Variants in SCARF2 observed in about 807,000 individuals in gnomAD.
The protein encoded by SCARF2 is scavenger receptor expressed by endothelial cells 2 protein.
SCARF2 carries 39 observed loss-of-function variants against 73.4 expected under a neutral mutation model. That is an observed-to-expected ratio of 0.53 (90% CI 0.41 to 0.69). The LOEUF (loss-of-function observed/expected upper bound fraction) is 0.69, where lower values mean the gene tolerates loss of function less well. SCARF2 is among the 30% of genes least tolerant of loss of function. The probability of loss-of-function intolerance (pLI) is 0.00; values close to 1 mark genes in which losing one functional copy is unlikely to be tolerated. For missense variants in SCARF2, 1,148 were observed against 1,303.5 expected (o/e 0.88, Z 1.84); for synonymous variants, 605 against 590.0 (o/e 1.03, Z -0.37).
rs139553970 is a variant in SCARF2, at chr22:20,427,657, A to G, written c.1541-107T>C. 8.5e-5 allele frequency: 113 copies of G among 1,330,166 alleles called. 1 individual carries two copies. In the East Asian group the frequency reaches 2.2e-3, roughly 26 times the overall value. The allele number at this position is 1,330,166 out of a possible 1,614,324, so 82.4% of individuals were successfully genotyped here. A position where few individuals can be genotyped will look rare whatever the true frequency, so the allele number is the denominator to read the frequency against. On this transcript the variant is annotated intron_variant, in intron 9 of 10. Coordinates refer to ENST00000622235, the MANE Select transcript of SCARF2 (RefSeq NM_182895.5). ...TGATGGGGTGACCAAGACCAGCCCT[A>G]TTCTTGGACTGCAGGGGGCACAGGC... is the stretch of plus-strand genomic sequence containing the variant.
At chr22:20,436,135 C>A (rs1415393135) in intron 1 of SCARF2, among the ~76,000 whole-genome samples, 1 of 152,230 alleles carries the variant, frequency 6.6e-6, no homozygotes, top group Non-Finnish European at 1.5e-5. Flanking sequence ...GGTCAAATGA[C>A]TTGCCCAGGT....
In SCARF2 at chr22:20,424,631, G is replaced by A. The variant is rs2052551075; in HGVS notation, c.*744C>T. Reference sequence around the variant, plus strand: ...AGAAAGCTTTGGCCAAGCCCCCGCCGGGAGGAGCCCATCCTGGGGCACCGG... The same window carrying A: ...AGAAAGCTTTGGCCAAGCCCCCGCCAGGAGGAGCCCATCCTGGGGCACCGG... On this transcript the variant is annotated 3_prime_UTR_variant, in exon 11 of 11. Transcript: ENST00000622235. Among the ~76,000 whole-genome samples the A allele has an allele frequency of 6.6e-6, 1 of 152,246 alleles. No individual in the cohort carries two copies. Among genetic ancestry groups the A allele is most frequent in the Admixed American group, 6.5e-5 (1 of 15,284 alleles).
intron 10 of SCARF2, 23 bp downstream of exon 10, chr22:20,427,375 T>C: frequency 6.2e-7 from 1 of 1,613,614 alleles, no homozygotes. Context: ...GCTGGAGTGA[T>C]GCCCAGGTAG....
intron 10 of SCARF2, among the ~76,000 whole-genome samples, chr22:20,426,486 CT>C (rs1184659378): frequency 6.6e-6 from 1 of 152,242 alleles, no homozygotes; most frequent in Non-Finnish European, 1.5e-5. Flanking sequence ...TGAACTCAGG[CT>C]GTGCAAGGAG....
chr22:20,426,712 A>C (rs375548431), intron 10 of SCARF2, among the ~76,000 whole-genome samples: 2 of 152,174 alleles, frequency 1.3e-5, no homozygotes, highest in African/African-American at 4.8e-5. Flanking sequence ...CGGTCACCTG[A>C]GGTCAGGAGT....
intron 6 of SCARF2, among the ~76,000 whole-genome samples, chr22:20,430,195 T>A (rs1303131675): frequency 6.6e-6 from 1 of 152,124 alleles, no homozygotes; most frequent in African/African-American, 2.4e-5. Context: ...GGGGTCACCT[T>A]AAGAGCCCAC....
At chr22:20,427,289 C>T (rs908499237) in intron 10 of SCARF2, 109 bp downstream of exon 10, 31 of 1,364,004 alleles carry the variant, frequency 2.3e-5, no homozygotes, top group Non-Finnish European at 3.0e-5. Context: ...ATGGCCAAGG[C>T]CTTCCTCTCC....
In SCARF2 at chr22:20,431,756, T is replaced by A; in HGVS notation, c.323A>T (p.Asn108Ile). The change falls in exon 3 of 11, where the codon AAC (asparagine) becomes ATC (isoleucine). Residue 108 changes from asparagine to isoleucine, a missense_variant. Physicochemically the swap from Asn to Ile is moderately radical, Grantham distance 149. Around this residue, in one of 5 missense-constraint regions of SCARF2, gnomAD observed 372 missense variants for 532.0 expected, o/e 0.70. Coordinates refer to ENST00000622235, the MANE Select transcript of SCARF2 (RefSeq NM_182895.5). ...GACCCCACGCTCACTGGTGTCGCAG[T>A]TGGCACCGAAGTAGCCGTGGCGGCA... is the stretch of plus-strand genomic sequence containing the variant. ...CRCRHGYFGA[N>I]CDTKCPRQFW... 2 of 1,578,250 alleles carry A rather than the reference T, an allele frequency of 1.3e-6. No homozygotes were observed. Among genetic ancestry groups the A allele is most frequent in the Middle Eastern group, 1.7e-4 (1 of 5,944 alleles).
At position 20,429,467 on chromosome 22, in the gene SCARF2, T is replaced by G; in HGVS notation, c.1424+69A>C. On this transcript the variant is annotated intron_variant, in intron 8 of 10. Transcript: ENST00000622235. This position sits in a 1 kb window ranked among gnomAD's most constrained non-coding sequence, Gnocchi z 5.2. Reference sequence around the variant, plus strand: ...GGGGCAGGGGCGCGGAAGGGTTGGATCTGGGTCCGGTGGCACCCAGAGGGT... The same window carrying G: ...GGGGCAGGGGCGCGGAAGGGTTGGAGCTGGGTCCGGTGGCACCCAGAGGGT... 1.3e-6 allele frequency: 2 copies of G among 1,592,382 alleles called. No homozygotes were observed. Among genetic ancestry groups the G allele is most frequent in the Non-Finnish European group, 1.7e-6 (2 of 1,171,604 alleles).
Position 20,431,021 on chromosome 22 carries a change from C to A in SCARF2, c.851G>T (p.Arg284Leu). Residue 284 changes from arginine to leucine, a missense_variant, in exon 4 of 11, where the codon CGC becomes CTC. Around this residue, in one of 5 missense-constraint regions of SCARF2, gnomAD observed 372 missense variants for 532.0 expected, o/e 0.70. Coordinates refer to ENST00000622235, the MANE Select transcript of SCARF2 (RefSeq NM_182895.5). ...CTGGCCGAGAGACCGCGCTTACCGG[C>A]GGCGACAGCCCAAGCCGTAGAAGCC... ...PAGFYGLGCR[R>L]RCGQCKGQQP... 6.4e-7 allele frequency: 1 copy of A among 1,558,366 alleles called. No individual in the cohort carries two copies. The highest frequency in any genetic ancestry group is 2.4e-5 in the East Asian group (1 of 41,932).
intron 1 of SCARF2, among the ~76,000 whole-genome samples, chr22:20,436,236 G>T (rs1020390623): frequency 1.3e-5 from 2 of 152,236 alleles, no homozygotes; most frequent in Admixed American, 1.3e-4. Flanking sequence ...CTGCAGACCA[G>T]GGGAGCGGGA....
At chr22:20,431,883 A>AGG in intron 2 of SCARF2, 37 bp from the exon 3 acceptor site, 1 of 1,530,526 alleles carries the variant, frequency 6.5e-7, no homozygotes, top group Non-Finnish European at 9.0e-7. Flanking sequence ...TGCGCGTCCT[A>AGG]GCCCCGCCCC....
intron 10 of SCARF2, among the ~76,000 whole-genome samples, chr22:20,426,955 T>C (rs962255417): frequency 6.6e-6 from 1 of 150,568 alleles, no homozygotes; most frequent in Non-Finnish European, 1.5e-5. Flanking sequence ...ATAAGGCTTC[T>C]GAGGCTCTGA....
In SCARF2 at chr22:20,437,534, G is replaced by A. The variant is rs9619753; in HGVS notation, c.173+48C>T. Reference sequence around the variant, plus strand: ...CAATGCCCGGCGCCGCCACACCACTGCCCAGAGCGTCCCTCTCGCCCCCTC... The same window carrying A: ...CAATGCCCGGCGCCGCCACACCACTACCCAGAGCGTCCCTCTCGCCCCCTC... On this transcript the variant is annotated intron_variant, in intron 1 of 10. Coordinates refer to ENST00000622235, the MANE Select transcript of SCARF2 (RefSeq NM_182895.5). 400,559 of 1,535,844 alleles carry A rather than the reference G, an allele frequency of 0.26. 54,915 individuals carry two copies. The highest frequency in any genetic ancestry group is 0.47 in the Admixed American group (24,942 of 53,292).
chr22:20,431,611 C>A (rs2052648904), intron 3 of SCARF2, 74 bp from the exon 4 acceptor site: 1 of 1,543,344 alleles, frequency 6.5e-7, no homozygotes. Context: ...GGAACCTGCC[C>A]GCGTCCCGCA....
intron 10 of SCARF2, 124 bp downstream of exon 10, chr22:20,427,274 C>A: frequency 1.7e-6 from 2 of 1,207,870 alleles, no homozygotes; most frequent in Non-Finnish European, 2.4e-6. Context: ...CCCTCAGGTA[C>A]CAGCATGGCC....
In SCARF2 at chr22:20,426,110, C is replaced by G. The variant is rs1365143508; in HGVS notation, c.1866G>C (p.Leu622=). ...ASSVEGPGGA[L]YARVARREAR... is the part of the protein sequence containing the mutation. Reference sequence around the variant, plus strand: ...CCTCGCGTCGGGCCACGCGCGCGTACAGAGCCCCTCCGGGCCCCTCCACGC... The same window carrying G: ...CCTCGCGTCGGGCCACGCGCGCGTAGAGAGCCCCTCCGGGCCCCTCCACGC... The change falls in exon 11 of 11, where the codon CTG becomes CTC. Residue 622 remains leucine, a synonymous_variant. Transcript: ENST00000622235. The G allele has an allele frequency of 2.0e-6, 3 of 1,484,158 alleles. No individual in the cohort carries two copies. The East Asian group carries it at 7.8e-5, about 38-fold the overall frequency. The allele number at this position is 1,484,158 out of a possible 1,614,324, so 91.9% of individuals were successfully genotyped here.
At position 20,424,625 on chromosome 22, in the gene SCARF2, C is replaced by T. The variant is rs948028533; in HGVS notation, c.*750G>A. On this transcript the variant is annotated 3_prime_UTR_variant, in exon 11 of 11. Coordinates refer to ENST00000622235, the MANE Select transcript of SCARF2 (RefSeq NM_182895.5). Reference sequence around the variant, plus strand: ...TTATTAAGAAAGCTTTGGCCAAGCCCCCGCCGGGAGGAGCCCATCCTGGGG... The same window carrying T: ...TTATTAAGAAAGCTTTGGCCAAGCCTCCGCCGGGAGGAGCCCATCCTGGGG... Among the ~76,000 whole-genome samples, 1 of 152,230 alleles carries T rather than the reference C, an allele frequency of 6.6e-6. No homozygotes were observed. The highest frequency in any genetic ancestry group is 6.5e-5 in the Admixed American group (1 of 15,292).
Position 20,424,585 on chromosome 22 carries a change from G to C in SCARF2, c.*790C>G, listed in dbSNP as rs528832880. Among the ~76,000 whole-genome samples the C allele has an allele frequency of 3.3e-4, 50 of 152,376 alleles. 2 individuals are homozygous for C. In the South Asian group the frequency reaches 9.9e-3, roughly 30 times the overall value. On this transcript the variant is annotated 3_prime_UTR_variant, in exon 11 of 11. Coordinates refer to ENST00000622235, the MANE Select transcript of SCARF2 (RefSeq NM_182895.5). ...TGCAAACAGGAAGTGATCAGAGCAT[G>C]AGGGGAAAGGCATTTTATTAAGAAA...
Sources: gnomAD v4.1 joint callset for allele counts (sites outside exome capture counted in the v4.1 genomes callset) on GRCh38, gnomAD v4.1.1 for gene constraint, gnomAD v4.1.1 regional missense constraint, Gnocchi (gnomAD v3.1) non-coding constraint, MANE v1.5 for transcripts, NCBI Gene and HGNC (gene_info 2026-07-23, HGNC 2026-07-21) for gene names.